The following EFR3B variants were observed in gnomAD, a reference collection of about 807,000 sequenced individuals.
EFR3B encodes the protein protein EFR3 homolog B.
A neutral mutation model predicts 104.7 loss-of-function variants in EFR3B; 64 were observed. The ratio of observed to expected loss-of-function variants is 0.61; its 90% CI spans 0.50 to 0.75. The LOEUF (loss-of-function observed/expected upper bound fraction) is 0.75, where lower values mean the gene tolerates loss of function less well. Ranked by LOEUF, EFR3B falls within the 30% of genes least tolerant of loss-of-function variation. EFR3B has a pLI of 0.00. For synonymous variants in EFR3B, 385 were observed against 417.9 expected, an observed-to-expected ratio of 0.92 and a Z score of 0.96; for missense variants, 750 against 1,078.5, an observed-to-expected ratio of 0.70 and a Z score of 4.27.
intron 4 of EFR3B, among the ~76,000 whole-genome samples, chr2:25,108,652 T>C (rs781537311): frequency 1.2e-4 from 18 of 152,276 alleles, no homozygotes; most frequent in South Asian, 2.1e-4. Flanking sequence ...AGATATGATA[T>C]CAAAAGCAAA....
intron 20 of EFR3B, 74 bp downstream of exon 20, chr2:25,149,816 A>C (rs780646513): frequency 9.5e-5 from 126 of 1,328,518 alleles, no homozygotes; most frequent in Non-Finnish European, 1.2e-4. Context: ...CTGCAGATGC[A>C]GCAGGACACA....
In EFR3B at chr2:25,131,465, T is replaced by G; in HGVS notation, c.947T>G (p.Leu316Trp). 1 of 1,550,444 alleles carries G rather than the reference T, an allele frequency of 6.4e-7. No individual in the cohort carries two copies. Among genetic ancestry groups the G allele is most frequent in the Non-Finnish European group, 8.7e-7 (1 of 1,146,824 alleles). The change falls in exon 9 of 23, where the codon TTG becomes TGG. Residue 316 changes from leucine to tryptophan, a missense_variant. By Grantham distance (61) the Leu-to-Trp change is moderately conservative. Transcript: ENST00000403714. The surrounding 1 kb of genome is among the most constrained non-coding windows in gnomAD (Gnocchi z 7.6). ...ATVRAGIVEV[L>W]SEAAVIAATG... is the part of the protein sequence containing the mutation. Reference sequence around the variant, plus strand: ...GTGCGCGCGGGCATCGTGGAAGTCTTGTCGGAAGCCGCGGTCATCGCTGCC... The same window carrying G: ...GTGCGCGCGGGCATCGTGGAAGTCTGGTCGGAAGCCGCGGTCATCGCTGCC...
chr2:25,130,697 T>C lies in EFR3B; in HGVS notation c.849+67T>C. On this transcript the variant is annotated intron_variant, in intron 8 of 22. Transcript: ENST00000403714. This position sits in a 1 kb window ranked among gnomAD's most constrained non-coding sequence, Gnocchi z 4.6. Reference sequence around the variant, plus strand: ...GCCTCTCTAGAAGCTAGACGGGTGCTAAAATAGAAAGCCAGAAGTCCCCTG... The same window carrying C: ...GCCTCTCTAGAAGCTAGACGGGTGCCAAAATAGAAAGCCAGAAGTCCCCTG... The C allele has an allele frequency of 7.0e-7, 1 of 1,430,694 alleles. No homozygotes were observed. Among genetic ancestry groups the C allele is most frequent in the Non-Finnish European group, 9.6e-7 (1 of 1,037,870 alleles). 88.6% of individuals were successfully genotyped at this position (1,430,694 alleles called of 1,614,324 possible).
At chr2:25,090,922 T>G (rs76358544) in intron 1 of EFR3B, among the ~76,000 whole-genome samples, 3,931 of 152,284 alleles carry the variant, frequency 0.026, 69 homozygotes, top group Non-Finnish European at 0.038. Flanking sequence ...CAGTTTCATA[T>G]TCCTGTCCCG....
intron 1 of EFR3B, among the ~76,000 whole-genome samples, chr2:25,087,999 AT>A (rs796870224): frequency 6.6e-6 from 1 of 150,792 alleles, no homozygotes; most frequent in African/African-American, 2.4e-5. Context: ...GTATATGTTC[AT>A]TTTTTTTTGC....
At chr2:25,072,443 G>A (rs944314895) in intron 1 of EFR3B, among the ~76,000 whole-genome samples, 1 of 152,088 alleles carries the variant, frequency 6.6e-6, no homozygotes, top group African/African-American at 2.4e-5. Context: ...ACCACACTGG[G>A]CTAATTTTTG....
intron 1 of EFR3B, among the ~76,000 whole-genome samples, chr2:25,073,445 C>T (rs937248808): frequency 2.0e-5 from 3 of 151,592 alleles, no homozygotes; most frequent in East Asian, 1.9e-4. Flanking sequence ...GCAACCTCCA[C>T]CTCCCAGGCT....
At chr2:25,128,835 C>T (rs1048879051) in intron 6 of EFR3B, among the ~76,000 whole-genome samples, 1 of 151,366 alleles carries the variant, frequency 6.6e-6, no homozygotes, top group Non-Finnish European at 1.5e-5. Flanking sequence ...TGGTGGCGGG[C>T]GCCTGTAGTC....
At chr2:25,070,422 C>T (rs577776803) in intron 1 of EFR3B, among the ~76,000 whole-genome samples, 9 of 152,136 alleles carry the variant, frequency 5.9e-5, no homozygotes, top group East Asian at 3.9e-4. Context: ...CCACCACGCC[C>T]GGCTAATATT....
intron 1 of EFR3B, among the ~76,000 whole-genome samples, chr2:25,050,960 A>G (rs1667850459): frequency 6.6e-6 from 1 of 152,148 alleles, no homozygotes; most frequent in South Asian, 2.1e-4. Context: ...ATCTGTTTGC[A>G]TGGTATTAAG....
At chr2:25,103,904 T>A in intron 4 of EFR3B, 117 bp downstream of exon 4, 1 of 1,269,132 alleles carries the variant, frequency 7.9e-7, no homozygotes, top group Non-Finnish European at 1.1e-6. Context: ...TTCCCAACCC[T>A]AAGTGTGACA....
chr2:25,053,168 G>A (rs968420410), intron 1 of EFR3B, among the ~76,000 whole-genome samples: 7 of 152,162 alleles, frequency 4.6e-5, no homozygotes, highest in African/African-American at 1.7e-4. Context: ...GTAAGAGGCA[G>A]GGCTGAAGGT....
chr2:25,107,879 T>A (rs537239257), intron 4 of EFR3B, among the ~76,000 whole-genome samples: 1 of 152,170 alleles, frequency 6.6e-6, no homozygotes, highest in Non-Finnish European at 1.5e-5. Flanking sequence ...GGTCTCCCTC[T>A]GTTGCCCAGT....
chr2:25,042,375 C>T lies in EFR3B; in HGVS notation c.7+56C>T. 1 of 1,236,670 alleles carries T rather than the reference C, an allele frequency of 8.1e-7. No individual in the cohort carries two copies. The highest frequency in any genetic ancestry group is 1.0e-6 in the Non-Finnish European group (1 of 988,996). The allele number at this position is 1,236,670 out of a possible 1,614,324, so 76.6% of individuals were successfully genotyped here. A position where few individuals can be genotyped will look rare whatever the true frequency, so the allele number is the denominator to read the frequency against. On this transcript the variant is annotated intron_variant, in intron 1 of 22. Coordinates refer to ENST00000403714, the MANE Select transcript of EFR3B (RefSeq NM_014971.2). The surrounding 1 kb of genome is among the most constrained non-coding windows in gnomAD (Gnocchi z 5.4). Reference sequence around the variant, plus strand: ...CCGCGGGGGCGACTCCGCAAACTTCCCCGGCGCGGACCATTGTCCCCCTGC... The same window carrying T: ...CCGCGGGGGCGACTCCGCAAACTTCTCCGGCGCGGACCATTGTCCCCCTGC...
Position 25,103,807 on chromosome 2 carries a change from G to A in EFR3B, c.363+20G>A, listed in dbSNP as rs1398575919. 2.6e-6 allele frequency: 4 copies of A among 1,549,732 alleles called. No homozygotes were observed. Among genetic ancestry groups the A allele is most frequent in the Non-Finnish European group, 3.5e-6 (4 of 1,145,808 alleles). ...AACTCGGTAAGGAGCGGCCCAGGGG[G>A]CTCCAGGTCTCCCAGCCGCATCCTG... On this transcript the variant is annotated intron_variant, in intron 4 of 22. Coordinates refer to ENST00000403714, the MANE Select transcript of EFR3B (RefSeq NM_014971.2).
chr2:25,053,506 A>T (rs568780604), intron 1 of EFR3B, among the ~76,000 whole-genome samples: 1 of 152,246 alleles, frequency 6.6e-6, no homozygotes, highest in Non-Finnish European at 1.5e-5. Flanking sequence ...GTTCTTAGAG[A>T]TTGGTTCCGT....
rs796495429 is a variant in EFR3B at position 25,094,463 on chromosome 2, C to T, written c.212+1333C>T. Among the ~76,000 whole-genome samples the T allele has an allele frequency of 1.1e-4, 16 of 152,136 alleles. 1 individual carries two copies. Among genetic ancestry groups the T allele is most frequent in the African/African-American group, 2.9e-4 (12 of 41,514 alleles). ...GTTTGAGGCAAGAGCCACAAACAAG[C>T]GACTTACAGGAGAGGAGAGAGAGCT... On this transcript the variant is annotated intron_variant, in intron 3 of 22. Coordinates refer to ENST00000403714, the MANE Select transcript of EFR3B (RefSeq NM_014971.2).
At chr2:25,134,242 C>G (rs901255467) in intron 12 of EFR3B, among the ~76,000 whole-genome samples, 1 of 149,908 alleles carries the variant, frequency 6.7e-6, no homozygotes, top group Non-Finnish European at 1.5e-5. Context: ...TGCAGTGGTG[C>G]GATCTTGGCT....
chr2:25,076,239 T>G (rs1239434156), intron 1 of EFR3B, among the ~76,000 whole-genome samples: 1 of 152,160 alleles, frequency 6.6e-6, no homozygotes, highest in Non-Finnish European at 1.5e-5. Context: ...CATCCAAGAA[T>G]AAAATAAAGA....
Sources: gnomAD v4.1 joint callset for allele counts (sites outside exome capture counted in the v4.1 genomes callset) on GRCh38, gnomAD v4.1.1 for gene constraint, Gnocchi (gnomAD v3.1) non-coding constraint, MANE v1.5 for transcripts, NCBI Gene and HGNC (gene_info 2026-07-23, HGNC 2026-07-21) for gene names.